The following LNPEP variants were observed in gnomAD, a reference collection of about 807,000 sequenced individuals.
LNPEP encodes the protein leucyl and cystinyl aminopeptidase.
Under a neutral mutation model 120.6 loss-of-function variants are expected in LNPEP, and 64 were observed. The ratio of observed to expected loss-of-function variants is 0.53; its 90% confidence interval spans 0.43 to 0.65. LNPEP has a LOEUF of 0.65. Among genes scored for constraint, LNPEP ranks in the 30% least tolerant of loss-of-function variants. The pLI, the probability that LNPEP is intolerant of heterozygous loss-of-function variation, is 0.00. For missense variants in LNPEP, 1,057 were observed against 1,200.0 expected, an observed-to-expected ratio of 0.88 and a Z score of 1.76; for synonymous variants, 435 against 425.4, an observed-to-expected ratio of 1.02 and a Z score of -0.28.
chr5:96,958,236 A>C (rs1018571736), intron 1 of LNPEP, among the ~76,000 whole-genome samples: 2 of 152,228 alleles, frequency 1.3e-5, no homozygotes, highest in African/African-American at 4.8e-5. Context: ...GTCCGAGTGC[A>C]AAATTTGTCT....
At chr5:97,016,864 G>A (rs577210859) in intron 13 of LNPEP, among the ~76,000 whole-genome samples, 1 of 152,244 alleles carries the variant, frequency 6.6e-6, no homozygotes, top group Non-Finnish European at 1.5e-5. Context: ...TAGTGTTAGT[G>A]TAGTAAAGAG....
intron 1 of LNPEP, 62 bp from the exon 2 acceptor site, chr5:96,979,076 T>C (rs972777370): frequency 6.6e-7 from 1 of 1,513,498 alleles, no homozygotes; most frequent in East Asian, 2.3e-5. Context: ...AGACATGTTA[T>C]TAATATTATG....
rs1461129441 is a variant in LNPEP at position 97,029,063 on chromosome 5, T to G, written c.*530T>G. ...CTCAGGTGTGCAGATCTACTTTGAT[T>G]TGGGGTTTTGATTAATTCTTTATTT... On this transcript the variant is annotated 3_prime_UTR_variant, in exon 18 of 18. Coordinates refer to ENST00000231368, the MANE Select transcript of LNPEP (RefSeq NM_005575.3). 1 of 152,290 alleles carries G rather than the reference T, an allele frequency of 6.6e-6. No individual in the cohort carries two copies. The highest frequency in any genetic ancestry group is 1.5e-5 in the Non-Finnish European group (1 of 68,028). 9.4% of individuals were successfully genotyped at this position (152,290 alleles called of 1,614,324 possible).
At chr5:96,940,917 G>A (rs1286456712) in intron 1 of LNPEP, among the ~76,000 whole-genome samples, 2 of 152,160 alleles carry the variant, frequency 1.3e-5, no homozygotes, top group African/African-American at 4.8e-5. Flanking sequence ...ATACTTTCTA[G>A]TTTGTGATAT....
rs1460537918 is a variant in LNPEP at position 97,036,544 on chromosome 5, C to T, written c.*8011C>T. On this transcript the variant is annotated 3_prime_UTR_variant, in exon 18 of 18. Coordinates refer to ENST00000231368, the MANE Select transcript of LNPEP (RefSeq NM_005575.3). ...CCATATGGTAAATGTTAAAACTCCA[C>T]ATTTGTCTGCATCAGGGAAAATGCA... The T allele has an allele frequency of 2.0e-5, 3 of 152,148 alleles. No individual in the cohort carries two copies. The highest frequency in any genetic ancestry group is 6.6e-5 in the Admixed American group (1 of 15,256). 9.4% of individuals were successfully genotyped at this position (152,148 alleles called of 1,614,324 possible).
In LNPEP at chr5:97,034,534, G is replaced by A. The variant is rs917575234; in HGVS notation, c.*6001G>A. ...CTCTCAACACAGTTTTTTGTTTGGA[G>A]TTGTAGGAATCAAATGTAATGAGGG... is the stretch of plus-strand genomic sequence containing the variant. On this transcript the variant is annotated 3_prime_UTR_variant, in exon 18 of 18. Transcript: ENST00000231368. 3.3e-5 allele frequency: 5 copies of A among 151,556 alleles called. No individual in the cohort carries two copies. Among genetic ancestry groups the A allele is most frequent in the African/African-American group, 1.2e-4 (5 of 41,256 alleles). 9.4% of individuals were successfully genotyped at this position (151,556 alleles called of 1,614,324 possible).
chr5:96,972,395 C>G (rs1354200494), intron 1 of LNPEP, among the ~76,000 whole-genome samples: 1 of 152,048 alleles, frequency 6.6e-6, no homozygotes, highest in East Asian at 1.9e-4. Context: ...TTTGCTCTGG[C>G]TGGGTTGACC....
At chr5:96,954,925 G>A (rs193141054) in intron 1 of LNPEP, among the ~76,000 whole-genome samples, 5,609 of 149,132 alleles carry the variant, frequency 0.038, 188 homozygotes, top group Middle Eastern at 0.11. Flanking sequence ...TGGGACTACC[G>A]GCGCCTGCCA....
At chr5:96,977,663 AT>A (rs1356955388) in intron 1 of LNPEP, among the ~76,000 whole-genome samples, 1 of 152,168 alleles carries the variant, frequency 6.6e-6, no homozygotes, top group Non-Finnish European at 1.5e-5. Context: ...TTATCCTAAT[AT>A]TTATCAATAA....
chr5:97,010,428 CT>C (rs1245596013), intron 11 of LNPEP: 2 of 984,952 alleles, frequency 2.0e-6, no homozygotes, highest in Non-Finnish European at 2.4e-6. Context: ...CTGCTCTTGC[CT>C]TTTTTTCCCC....
At chr5:97,014,886 A>T (rs1791026196) in intron 12 of LNPEP, 53 bp from the exon 13 acceptor site, 5 of 1,314,084 alleles carry the variant, frequency 3.8e-6, no homozygotes, top group Non-Finnish European at 5.0e-6. Flanking sequence ...GCATGCATAG[A>T]CTTCTTCTGT....
chr5:96,948,338 G>A (rs936261207), intron 1 of LNPEP, among the ~76,000 whole-genome samples: 3 of 152,232 alleles, frequency 2.0e-5, no homozygotes, highest in East Asian at 1.9e-4. Context: ...GGCAGGTCTC[G>A]AACTCCTGAC....
At chr5:97,028,324 G>C (rs774664599) in intron 17 of LNPEP, 78 bp from the exon 18 acceptor site, 2 of 1,354,280 alleles carry the variant, frequency 1.5e-6, no homozygotes, top group African/African-American at 1.5e-5. Context: ...CTAAGTTAAA[G>C]CTTATTTTAA....
chr5:96,951,030 G>A (rs60878093), intron 1 of LNPEP, among the ~76,000 whole-genome samples: 3,995 of 152,260 alleles, frequency 0.026, 177 homozygotes, highest in African/African-American at 0.092. Context: ...TTAGTTTCTG[G>A]TGAGGGCTCT....
At chr5:97,004,380 C>T (rs553980958) in intron 9 of LNPEP, among the ~76,000 whole-genome samples, 1 of 152,154 alleles carries the variant, frequency 6.6e-6, no homozygotes, top group East Asian at 1.9e-4. Context: ...AACGTGGTGG[C>T]ACATGCCTGT....
At chr5:97,025,989 G>C (rs564152085) in intron 15 of LNPEP, among the ~76,000 whole-genome samples, 4 of 152,110 alleles carry the variant, frequency 2.6e-5, no homozygotes, top group Non-Finnish European at 5.9e-5. Flanking sequence ...GTATAGCATA[G>C]TAGATGAGAA....
intron 11 of LNPEP, among the ~76,000 whole-genome samples, chr5:97,007,433 G>T (rs1413153056): frequency 6.6e-6 from 1 of 152,132 alleles, no homozygotes; most frequent in Non-Finnish European, 1.5e-5. Context: ...TGTAGTTGTG[G>T]TGAGGATTAA....
intron 1 of LNPEP, among the ~76,000 whole-genome samples, chr5:96,945,757 C>T (rs1331731067): frequency 6.6e-6 from 1 of 152,086 alleles, no homozygotes; most frequent in Non-Finnish European, 1.5e-5. Context: ...CTTTGGAATG[C>T]CCTTGGCCGT....
At chr5:96,973,690 A>G (rs899380330) in intron 1 of LNPEP, among the ~76,000 whole-genome samples, 14 of 152,204 alleles carry the variant, frequency 9.2e-5, no homozygotes, top group Admixed American at 2.6e-4. Flanking sequence ...GCATTTCTGG[A>G]TTTTGGTTTC....
Sources: allele counts gnomAD v4.1 joint callset (sites outside exome capture counted in the v4.1 genomes callset), GRCh38; gene constraint gnomAD v4.1.1; transcripts MANE v1.5; gene names NCBI Gene and HGNC (gene_info 2026-07-23, HGNC 2026-07-21).